Variants in IQUB observed in about 807,000 individuals in gnomAD.
The protein encoded by IQUB is IQ motif and ubiquitin-like domain-containing protein.
IQUB carries 86 observed loss-of-function variants against 86.4 expected under a neutral mutation model. That is an observed-to-expected ratio of 1.00 (90% CI 0.84 to 1.19). The LOEUF is 1.19. Among genes scored for constraint, IQUB ranks in the 50% most tolerant of loss-of-function variants. IQUB has a pLI of 0.00. For missense variants in IQUB, 946 were observed against 916.9 expected (o/e 1.03, Z -0.41); for synonymous variants, 289 against 304.5 (o/e 0.95, Z 0.53).
At chr7:123,510,234 G>A (rs1796359102) in intron 2 of IQUB, among the ~76,000 whole-genome samples, 199 bp from the exon 3 acceptor site, 1 of 152,008 alleles carries the variant, frequency 6.6e-6, no homozygotes, top group African/African-American at 2.4e-5. Context: ...CCAATATTTA[G>A]TTGCTTTGAA....
intron 8 of IQUB, among the ~76,000 whole-genome samples, chr7:123,476,201 C>T (rs1794737917): frequency 6.6e-6 from 1 of 152,132 alleles, no homozygotes; most frequent in African/African-American, 2.4e-5. Flanking sequence ...ATAAAGATTG[C>T]ATACTATGTA....
intron 1 of IQUB, among the ~76,000 whole-genome samples, chr7:123,521,766 C>T (rs1290553284): frequency 6.6e-6 from 1 of 151,914 alleles, no homozygotes; most frequent in African/African-American, 2.4e-5. Flanking sequence ...ATATGAATGA[C>T]CCAAATAACT....
intron 12 of IQUB, among the ~76,000 whole-genome samples, chr7:123,453,549 T>C (rs1793550048): frequency 6.6e-6 from 1 of 151,766 alleles, no homozygotes; most frequent in Non-Finnish European, 1.5e-5. Context: ...GAGGTACATG[T>C]AATGAAGAAG....
intron 3 of IQUB, among the ~76,000 whole-genome samples, chr7:123,507,200 G>A (rs1562865242): frequency 6.6e-6 from 1 of 152,170 alleles, no homozygotes; most frequent in African/African-American, 2.4e-5. Context: ...ACTTTATGAT[G>A]ATGCAAAAGC....
At chr7:123,476,425 A>C (rs550177575) in intron 8 of IQUB, among the ~76,000 whole-genome samples, 7 of 152,278 alleles carry the variant, frequency 4.6e-5, no homozygotes, top group African/African-American at 1.7e-4. Flanking sequence ...GTAATCAAGC[A>C]TGGCTGAAGC....
intron 1 of IQUB, among the ~76,000 whole-genome samples, chr7:123,515,512 G>A (rs1428029431): frequency 2.6e-5 from 4 of 152,134 alleles, no homozygotes; most frequent in African/African-American, 9.7e-5. Context: ...CCAGGCCTAG[G>A]TTGAGGCAAG....
chr7:123,505,388 C>T (rs552719011), intron 3 of IQUB, among the ~76,000 whole-genome samples: 89 of 152,300 alleles, frequency 5.8e-4, no homozygotes, highest in South Asian at 3.5e-3. Flanking sequence ...CTTTGCACCA[C>T]CCTAGCAGAG....
chr7:123,466,686 G>T (rs966791363), intron 9 of IQUB, among the ~76,000 whole-genome samples: 4 of 152,116 alleles, frequency 2.6e-5, no homozygotes, highest in African/African-American at 9.7e-5. Flanking sequence ...ACAGTTAGGA[G>T]TAAAGAAACC....
At chr7:123,530,866 G>A (rs1231885630) in intron 1 of IQUB, among the ~76,000 whole-genome samples, 1 of 151,912 alleles carries the variant, frequency 6.6e-6, no homozygotes, top group African/African-American at 2.4e-5. Flanking sequence ...TAGCAGAGAC[G>A]GGGTTTCACC....
intron 7 of IQUB, among the ~76,000 whole-genome samples, chr7:123,481,251 AT>A (rs1269236064): frequency 1.3e-5 from 2 of 151,976 alleles, no homozygotes; most frequent in Admixed American, 1.3e-4. Flanking sequence ...CCCCCCACTT[AT>A]GTTTTATCTT....
intron 1 of IQUB, among the ~76,000 whole-genome samples, chr7:123,527,882 G>T (rs1050947360): frequency 1.3e-5 from 2 of 152,250 alleles, no homozygotes; most frequent in African/African-American, 4.8e-5. Context: ...ACCTAAGCAA[G>T]CCTGAGCAAT....
intron 6 of IQUB, among the ~76,000 whole-genome samples, chr7:123,500,633 C>T (rs931335801): frequency 2.0e-5 from 3 of 152,024 alleles, no homozygotes; most frequent in African/African-American, 7.2e-5. Flanking sequence ...CTCCCTATAC[C>T]GGCTTTTAAC....
intron 6 of IQUB, among the ~76,000 whole-genome samples, 200 bp from the exon 7 acceptor site, chr7:123,497,106 G>A (rs776423231): frequency 2.6e-5 from 4 of 151,946 alleles, no homozygotes; most frequent in African/African-American, 4.8e-5. Context: ...TTGACATCTC[G>A]CAAATATACC....
intron 6 of IQUB, among the ~76,000 whole-genome samples, chr7:123,498,569 T>A (rs576195753): frequency 2.1e-4 from 32 of 152,200 alleles, no homozygotes; most frequent in African/African-American, 6.8e-4. Flanking sequence ...AACACAGTTG[T>A]TTAAACAACA....
intron 7 of IQUB, among the ~76,000 whole-genome samples, chr7:123,487,266 T>G (rs12539183): frequency 0.018 from 2,750 of 152,314 alleles, 85 homozygotes; most frequent in African/African-American, 0.063. Context: ...TTAATCTCTT[T>G]TCTTTATAAA....
chr7:123,486,144 T>C (rs1347603450), intron 7 of IQUB, among the ~76,000 whole-genome samples: 1 of 152,186 alleles, frequency 6.6e-6, no homozygotes, highest in Admixed American at 6.5e-5. Context: ...TAGACTGATA[T>C]TTTTGATAAA....
rs1396887899 is a variant in IQUB at position 123,503,075 on chromosome 7, A to G, written c.736T>C (p.Ser246Pro). 6.8e-6 allele frequency: 11 copies of G among 1,613,436 alleles called. No individual in the cohort carries two copies. In the Admixed American group the frequency reaches 8.3e-5, roughly 12 times the overall value. ...CCAAGAAATGGTTTGTGAAAGTCAG[A>G]TTTGACAATCTCAACAGGTACCTGC... ...YQQVPVEIVK[S>P]DFHKPFLGGF... Residue 246 changes from serine to proline, a missense_variant, in exon 5 of 13, where the codon TCT (serine) becomes CCT (proline). Ser to Pro is a moderately conservative substitution (Grantham distance 74, BLOSUM62 -1). Coordinates refer to ENST00000324698, the MANE Select transcript of IQUB (RefSeq NM_178827.5).
At position 123,479,473 on chromosome 7, in the gene IQUB, T is replaced by C. The variant is rs147019334; in HGVS notation, c.1410+322A>G. Among the ~76,000 whole-genome samples, 338 of 152,226 alleles carry C rather than the reference T, an allele frequency of 2.2e-3. 1 individual carries two copies. The highest frequency in any genetic ancestry group is 7.7e-3 in the African/African-American group (320 of 41,548). On this transcript the variant is annotated intron_variant, in intron 8 of 12. Transcript: ENST00000324698. ...TGATACTCTGCATTTTATCACAGTA[T>C]ACAACTTATCTAATTTATATAGCCA... is the stretch of plus-strand genomic sequence containing the variant.
At chr7:123,478,658 G>T (rs1220714660) in intron 8 of IQUB, among the ~76,000 whole-genome samples, 5 of 152,138 alleles carry the variant, frequency 3.3e-5, no homozygotes, top group African/African-American at 9.7e-5. Context: ...TTTAAAAAAA[G>T]ATTTGAGGAG....
Sources: gnomAD v4.1 joint callset for allele counts (sites outside exome capture counted in the v4.1 genomes callset) on GRCh38, gnomAD v4.1.1 for gene constraint, MANE v1.5 for transcripts, NCBI Gene and HGNC (gene_info 2026-07-23, HGNC 2026-07-21) for gene names.